Variants in DYNC1H1 observed in about 807,000 individuals in gnomAD.
DYNC1H1 encodes cytoplasmic dynein 1 heavy chain 1.
DYNC1H1 carries 51 observed loss-of-function variants against 527.1 expected under a neutral mutation model. The observed-to-expected ratio is 0.10, with a 90% confidence interval of 0.08 to 0.12. The LOEUF (loss-of-function observed/expected upper bound fraction) is 0.12. Among genes scored for constraint, DYNC1H1 ranks in the 10% least tolerant of loss-of-function variants. The pLI is 1.00. For missense variants in DYNC1H1, 2,771 were observed against 5,971.8 expected (o/e 0.46, Z 17.66); for synonymous variants, 2,189 against 2,278.8 (o/e 0.96, Z 1.12).
chr14:101,991,406 A>T lies in DYNC1H1; in HGVS notation c.2869-121A>T. 4.8e-6 allele frequency: 6 copies of T among 1,263,122 alleles called. No homozygotes were observed. In the South Asian group the frequency reaches 7.7e-5, roughly 16 times the overall value. 78.2% of individuals were successfully genotyped at this position (1,263,122 alleles called of 1,614,324 possible). On this transcript the variant is annotated intron_variant, in intron 10 of 77. Transcript: ENST00000360184. ...CTTGAACCCGGGAGGCGGAGGTTAC[A>T]GTGAGCCAAGGTTGTGCCATTACAC... is the stretch of plus-strand genomic sequence containing the variant.
In DYNC1H1 at chr14:101,964,880, G is replaced by T; in HGVS notation, c.189G>T (p.Glu63Asp). 4 of 1,599,288 alleles carry T rather than the reference G, an allele frequency of 2.5e-6. No homozygotes were observed. Among genetic ancestry groups the T allele is most frequent in the Non-Finnish European group, 3.4e-6 (4 of 1,173,976 alleles). Residue 63 changes from glutamate (E) to aspartate (D), a missense_variant, in exon 1 of 78, where the codon GAG (glutamate) becomes GAT (aspartate). Physicochemically the swap from Glu to Asp is conservative, Grantham distance 45. Transcript: ENST00000360184. This position sits in a 1 kb window ranked among gnomAD's most constrained non-coding sequence, Gnocchi z 5.5. The stretch of plus-strand genomic sequence containing the variant: ...CGCTGGAGGAGAAGAGCGCCCTGGA[G>T]CAGATGCGCAAGTTCCTTTCGGACC... ...EAALEEKSAL[E>D]QMRKFLSDPQ...
intron 7 of DYNC1H1, among the ~76,000 whole-genome samples, chr14:101,984,397 A>ATGTGTGTG (rs1277013282): frequency 6.7e-5 from 6 of 90,006 alleles, no homozygotes; most frequent in African/African-American, 3.0e-4. Flanking sequence ...ATATATGCGT[A>ATGTGTGTG]TATATGTGTG....
chr14:101,998,121 T>C (rs2048084991), intron 16 of DYNC1H1, among the ~76,000 whole-genome samples: 1 of 152,262 alleles, frequency 6.6e-6, no homozygotes, highest in South Asian at 2.1e-4. Flanking sequence ...TAAGAGTGCA[T>C]GAAATTATCT....
At chr14:102,030,046 G>A in intron 50 of DYNC1H1, 108 bp downstream of exon 50, 1 of 1,586,552 alleles carries the variant, frequency 6.3e-7, no homozygotes. Flanking sequence ...GAGAGGGAGG[G>A]AGGGAGAGAG....
At chr14:102,026,853 T>C in intron 44 of DYNC1H1, 146 bp downstream of exon 44, 3 of 1,233,900 alleles carry the variant, frequency 2.4e-6, no homozygotes, top group Non-Finnish European at 3.5e-6. Context: ...CTCTTCTTTC[T>C]AAGTCCAGCT....
chr14:102,000,223 C>T (rs1445449440), intron 17 of DYNC1H1, 63 bp from the exon 18 acceptor site: 5 of 1,614,006 alleles, frequency 3.1e-6, no homozygotes, highest in East Asian at 2.2e-5. Flanking sequence ...TCCTCAGGGC[C>T]CTGCCAGATT....
rs550046110 is a variant in DYNC1H1 at position 102,036,082 on chromosome 14, C to T, written c.10755-407C>T. ...GTGACGTAGTGTCTGTAATTTGACA[C>T]GGTCCTTGGCAATTAAAATTCTGTA... On this transcript the variant is annotated intron_variant, in intron 56 of 77. Coordinates refer to ENST00000360184, the MANE Select transcript of DYNC1H1 (RefSeq NM_001376.5). This position sits in a 1 kb window ranked among gnomAD's most constrained non-coding sequence, Gnocchi z 5.6. The T allele has an allele frequency of 4.1e-6, 1 of 243,282 alleles. No homozygotes were observed. The highest frequency in any genetic ancestry group is 8.2e-6 in the Non-Finnish European group (1 of 121,312). 15.1% of individuals were successfully genotyped at this position (243,282 alleles called of 1,614,324 possible). A position where few individuals can be genotyped will look rare whatever the true frequency, so the allele number is the denominator to read the frequency against.
chr14:101,991,469 A>G (rs965807340), intron 10 of DYNC1H1, 58 bp from the exon 11 acceptor site: 60 of 1,609,576 alleles, frequency 3.7e-5, no homozygotes, highest in Non-Finnish European at 5.1e-5. Context: ...CTGTCTTAAA[A>G]AAATTTTTTT....
intron 2 of DYNC1H1, among the ~76,000 whole-genome samples, chr14:101,977,386 G>T (rs2047813905): frequency 6.6e-6 from 1 of 152,134 alleles, no homozygotes; most frequent in South Asian, 2.1e-4. Flanking sequence ...AGTTGTTAAT[G>T]TTTGCCACTT....
intron 12 of DYNC1H1, 101 bp downstream of exon 12, chr14:101,994,425 T>A: frequency 6.5e-7 from 1 of 1,548,482 alleles, no homozygotes; most frequent in Non-Finnish European, 8.9e-7. Context: ...CTTGACTGTA[T>A]GTATGGTTCA....
rs536282943 is a variant in DYNC1H1 at position 102,017,900 on chromosome 14, G to T, written c.8177+396G>T. Reference sequence around the variant, plus strand: ...AGCGGGCAGATCACGAGGTCAGGAGGTTGAGGCCATCCTGGCTAACACGGT... The same window carrying T: ...AGCGGGCAGATCACGAGGTCAGGAGTTTGAGGCCATCCTGGCTAACACGGT... On this transcript the variant is annotated intron_variant, in intron 40 of 77. Transcript: ENST00000360184. This position sits in a 1 kb window ranked among gnomAD's most constrained non-coding sequence, Gnocchi z 4.6. The T allele has an allele frequency of 6.2e-6, 2 of 321,114 alleles. No individual in the cohort carries two copies. The highest frequency in any genetic ancestry group is 2.8e-5 in the South Asian group (1 of 36,338). The allele number at this position is 321,114 out of a possible 1,614,324, so 19.9% of individuals were successfully genotyped here.
intron 13 of DYNC1H1, 48 bp from the exon 14 acceptor site, chr14:101,994,938 G>A (rs774671040): frequency 1.7e-5 from 28 of 1,612,894 alleles, no homozygotes; most frequent in South Asian, 4.4e-5. Flanking sequence ...GGATAAACAC[G>A]CCAGCAGGAA....
Position 101,997,269 on chromosome 14 carries a change from G to A in DYNC1H1, c.3799G>A (p.Val1267Ile), listed in dbSNP as rs764348397. ...GACTGACTGGGAGAAGACCAAGCCT[G>A]TCACGGTGAGTCCCGCCAGGTGGGG... ...LLTDWEKTKPVTGNLRPEEAL... is the reference protein window; with the variant it reads ...LLTDWEKTKPITGNLRPEEAL... The change falls in exon 16 of 78, where the codon GTC becomes ATC. Residue 1267 changes from valine (V) to isoleucine (I), a missense_variant. Val to Ile is a conservative substitution (Grantham distance 29, BLOSUM62 3). Around this residue, in one of 32 missense-constraint regions of DYNC1H1, gnomAD observed 223 missense variants for 462.5 expected, o/e 0.48. Transcript: ENST00000360184. This position sits in a 1 kb window ranked among gnomAD's most constrained non-coding sequence, Gnocchi z 4.8. The A allele has an allele frequency of 6.2e-7, 1 of 1,614,170 alleles. No homozygotes were observed. The highest frequency in any genetic ancestry group is 8.5e-7 in the Non-Finnish European group (1 of 1,180,014).
Position 102,002,108 on chromosome 14 carries a change from GT to G in DYNC1H1, c.4543-417del, listed in dbSNP as rs113416480. Among the ~76,000 whole-genome samples the G allele has an allele frequency of 4.9e-4, 69 of 141,614 alleles. No homozygotes were observed. Among genetic ancestry groups the G allele is most frequent in the African/African-American group, 6.7e-4 (26 of 38,804 alleles). The allele number at this position is 141,614 out of a possible 152,430, so 92.9% of individuals were successfully genotyped here. ...TTTTTGTTTGTTTGCTTGCTTTTTT[GT>G]TTTTTTTTTTTCTTTTTTTGAGATG... On this transcript the variant is annotated intron_variant, in intron 21 of 77. Coordinates refer to ENST00000360184, the MANE Select transcript of DYNC1H1 (RefSeq NM_001376.5). This position sits in a 1 kb window ranked among gnomAD's most constrained non-coding sequence, Gnocchi z 4.4.
chr14:101,967,557 G>C (rs1447280476), intron 1 of DYNC1H1, among the ~76,000 whole-genome samples: 1 of 152,056 alleles, frequency 6.6e-6, no homozygotes, highest in Non-Finnish European at 1.5e-5. Flanking sequence ...GTGCAGCATT[G>C]AGCTGGGTGC....
At chr14:102,045,455 AC>A (rs1367336898) in intron 72 of DYNC1H1, among the ~76,000 whole-genome samples, 1 of 135,818 alleles carries the variant, frequency 7.4e-6, no homozygotes, top group Non-Finnish European at 1.8e-5. Context: ...TACAAAAAAT[AC>A]AAAAACTAGC....
In DYNC1H1 at chr14:102,020,506, C is replaced by T. The variant is rs933000045; in HGVS notation, c.8507+450C>T. ...CAACAACTGCCCAGTGTGCGTGTTC[C>T]GTAACCACCACCCCTCTTCCTGTTT... On this transcript the variant is annotated intron_variant, in intron 42 of 77. Coordinates refer to ENST00000360184, the MANE Select transcript of DYNC1H1 (RefSeq NM_001376.5). This position sits in a 1 kb window ranked among gnomAD's most constrained non-coding sequence, Gnocchi z 4.3. 6.6e-6 allele frequency among the ~76,000 whole-genome samples: 1 copy of T among 152,148 alleles called. No homozygotes were observed. The highest frequency in any genetic ancestry group is 1.5e-5 in the Non-Finnish European group (1 of 68,030).
rs2047952495 is a variant in DYNC1H1 at position 101,987,777 on chromosome 14, G to A, written c.2718+145G>A. On this transcript the variant is annotated intron_variant, in intron 9 of 77. Transcript: ENST00000360184. Reference sequence around the variant, plus strand: ...CCCTCCAAAATCTCATTTAACTAGTGATAGAACTGAATTGTGGCCAGGCAC... The same window carrying A: ...CCCTCCAAAATCTCATTTAACTAGTAATAGAACTGAATTGTGGCCAGGCAC... 1.2e-5 allele frequency: 12 copies of A among 1,008,334 alleles called. No homozygotes were observed. In the Admixed American group the frequency reaches 2.4e-4, roughly 20 times the overall value. 62.5% of individuals were successfully genotyped at this position (1,008,334 alleles called of 1,614,324 possible).
Position 102,004,804 on chromosome 14 carries a change from A to G in DYNC1H1, c.5092A>G (p.Ile1698Val), listed in dbSNP as rs1195463096. 9 of 1,614,108 alleles carry G rather than the reference A, an allele frequency of 5.6e-6. No individual in the cohort carries two copies. The highest frequency in any genetic ancestry group is 7.6e-6 in the Non-Finnish European group (9 of 1,180,044). Reference protein sequence around the residue: ...TPVSITEHPKINEWLTLVEKE... With the variant: ...TPVSITEHPKVNEWLTLVEKE... Reference sequence around the variant, plus strand: ...TGTGTCAATTACTGAACATCCCAAAATCAATGAGTGGCTCACATTGGTAGA... The same window carrying G: ...TGTGTCAATTACTGAACATCCCAAAGTCAATGAGTGGCTCACATTGGTAGA... The change falls in exon 25 of 78, where the codon ATC (isoleucine) becomes GTC (valine). Residue 1698 changes from isoleucine to valine, a missense_variant. By Grantham distance (29) the Ile-to-Val change is conservative (BLOSUM62 3). Coordinates refer to ENST00000360184, the MANE Select transcript of DYNC1H1 (RefSeq NM_001376.5).
Sources: gnomAD v4.1 joint callset for allele counts (sites outside exome capture counted in the v4.1 genomes callset) on GRCh38, gnomAD v4.1.1 for gene constraint, gnomAD v4.1.1 regional missense constraint, Gnocchi (gnomAD v3.1) non-coding constraint, MANE v1.5 for transcripts, NCBI Gene and HGNC (gene_info 2026-07-23, HGNC 2026-07-21) for gene names.